CELSR1: variants seen among roughly 807,000 people sequenced by gnomAD.
CELSR1 encodes cadherin EGF LAG seven-pass G-type receptor 1.
CELSR1 carries 110 observed loss-of-function variants against 249.1 expected under a neutral mutation model. The observed-to-expected ratio is 0.44, with a 90% CI of 0.38 to 0.52. The LOEUF is 0.52. CELSR1 is among the 20% of genes least tolerant of loss of function. CELSR1 has a pLI of 0.00. For synonymous variants in CELSR1, 2,113 were observed against 1,900.0 expected, an observed-to-expected ratio of 1.11 and a Z score of -2.92; for missense variants, 4,109 against 4,296.4, an observed-to-expected ratio of 0.96 and a Z score of 1.22.
chr22:46,408,858 T>G lies in CELSR1; in HGVS notation c.5226+138A>C. Reference sequence around the variant, plus strand: ...AGGGCTGATATTCCCCTTCCCCCTCTTCGGAGAACCCCAGGGGCGGGCGCC... The same window carrying G: ...AGGGCTGATATTCCCCTTCCCCCTCGTCGGAGAACCCCAGGGGCGGGCGCC... On this transcript the variant is annotated intron_variant, in intron 9 of 34. Coordinates refer to ENST00000674500, the MANE Select transcript of CELSR1 (RefSeq NM_001378328.1). This position sits in a 1 kb window ranked among gnomAD's most constrained non-coding sequence, Gnocchi z 4.6. The G allele has an allele frequency of 1.5e-6, 1 of 668,742 alleles. No individual in the cohort carries two copies. The highest frequency in any genetic ancestry group is 3.1e-5 in the Admixed American group (1 of 31,818). 41.4% of individuals were successfully genotyped at this position (668,742 alleles called of 1,614,324 possible). A position where few individuals can be genotyped will look rare whatever the true frequency, so the allele number is the denominator to read the frequency against.
chr22:46,403,417 C>T (rs144326794), intron 9 of CELSR1, among the ~76,000 whole-genome samples: 1,644 of 150,120 alleles, frequency 0.011, 33 homozygotes, highest in African/African-American at 0.037. Context: ...AATAGCCAGG[C>T]GTGGTAGTGG....
rs1463438850 is a variant in CELSR1, at chr22:46,447,026, A to T, written c.4184-7615T>A. Among the ~76,000 whole-genome samples the T allele has an allele frequency of 1.3e-5, 2 of 152,000 alleles. No homozygotes were observed. The highest frequency in any genetic ancestry group is 1.5e-5 in the Non-Finnish European group (1 of 67,982). On this transcript the variant is annotated intron_variant, in intron 2 of 34. Transcript: ENST00000674500. This position sits in a 1 kb window ranked among gnomAD's most constrained non-coding sequence, Gnocchi z 4.7. The stretch of plus-strand genomic sequence containing the variant: ...GTTAAGCAAAGCGGGAGTGGATTAC[A>T]GTACTGTTTATAGGGAGCTGGAGGG...
intron 1 of CELSR1, among the ~76,000 whole-genome samples, chr22:46,487,058 ACTCCCAC>A (rs1333998938): frequency 2.3e-5 from 2 of 85,452 alleles, no homozygotes; most frequent in Non-Finnish European, 4.8e-5. Context: ...TCCCACTCCC[ACTCCCAC>A]TTCCACACAC....
chr22:46,367,333 G>A (rs908944813), intron 28 of CELSR1, among the ~76,000 whole-genome samples: 17 of 152,224 alleles, frequency 1.1e-4, no homozygotes, highest in African/African-American at 3.4e-4. Flanking sequence ...CCAGACCCCC[G>A]GTGTGCTGGA....
intron 13 of CELSR1, among the ~76,000 whole-genome samples, chr22:46,394,576 C>T (rs868126342): frequency 2.6e-5 from 4 of 152,232 alleles, no homozygotes; most frequent in Non-Finnish European, 4.4e-5. Flanking sequence ...TGGCCTTTCA[C>T]GATGCAGCCC....
In CELSR1 at chr22:46,409,647, G is replaced by A; in HGVS notation, c.5059+108C>T. 7.4e-7 allele frequency: 1 copy of A among 1,352,344 alleles called. No homozygotes were observed. Among genetic ancestry groups the A allele is most frequent in the Non-Finnish European group, 1.0e-6 (1 of 967,364 alleles). 83.8% of individuals were successfully genotyped at this position (1,352,344 alleles called of 1,614,324 possible). ...GTAAATGCAGCATATACCACCAGAG[G>A]CTGCCGGACCTGGATGTGAAGCCCC... On this transcript the variant is annotated intron_variant, in intron 8 of 34. Coordinates refer to ENST00000674500, the MANE Select transcript of CELSR1 (RefSeq NM_001378328.1). The surrounding 1 kb of genome is among the most constrained non-coding windows in gnomAD (Gnocchi z 9.8).
chr22:46,453,185 C>T (rs2079906451), intron 2 of CELSR1, among the ~76,000 whole-genome samples: 1 of 152,192 alleles, frequency 6.6e-6, no homozygotes, highest in Non-Finnish European at 1.5e-5. Context: ...GTGAGCCAGG[C>T]AGCTGTGCAC....
At chr22:46,386,372 G>A (rs772315433) in intron 19 of CELSR1, 30 bp downstream of exon 19, 3 of 1,510,336 alleles carry the variant, frequency 2.0e-6, no homozygotes, top group Non-Finnish European at 1.8e-6. Context: ...TGGTAGCAGG[G>A]TTCCACCCCC....
At chr22:46,443,099 T>A (rs1381830265) in intron 2 of CELSR1, among the ~76,000 whole-genome samples, 4 of 145,630 alleles carry the variant, frequency 2.7e-5, no homozygotes, top group Admixed American at 6.7e-5. Context: ...CTCCGTCTCT[T>A]AAGAAAAAAA....
chr22:46,490,932 C>T lies in CELSR1; in HGVS notation c.3545-26587G>A, dbSNP rs561658765. ...GGATCAGGAGGTCCAGTGACTTGCC[C>T]AAGGCCACCTGAGGGCTGCCTCTGC... On this transcript the variant is annotated intron_variant, in intron 1 of 34. Transcript: ENST00000674500. The surrounding 1 kb of genome is among the most constrained non-coding windows in gnomAD (Gnocchi z 5.2). Among the ~76,000 whole-genome samples, 3 of 152,248 alleles carry T rather than the reference C, an allele frequency of 2.0e-5. No individual in the cohort carries two copies. The highest frequency in any genetic ancestry group is 3.9e-4 in the East Asian group (2 of 5,174).
chr22:46,380,876 G>A lies in CELSR1; in HGVS notation c.7168C>T (p.Leu2390=), dbSNP rs747503159. 6.2e-7 allele frequency: 1 copy of A among 1,613,182 alleles called. No homozygotes were observed. The highest frequency in any genetic ancestry group is 2.2e-5 in the East Asian group (1 of 44,888). Residue 2390 remains leucine, a synonymous_variant, in exon 22 of 35, where the codon CTG becomes TTG. Transcript: ENST00000674500. The surrounding 1 kb of genome is among the most constrained non-coding windows in gnomAD (Gnocchi z 5.1). ...AACTCCACCAGGACGGGCCTCTCCA[G>A]GGGTCTCGGGAGCGGAGCCCCCTCG... ...YSEGAPLPRP[L]ERPVLVEFAL...
At chr22:46,425,051 C>T (rs1367793419) in intron 5 of CELSR1, among the ~76,000 whole-genome samples, 2 of 152,232 alleles carry the variant, frequency 1.3e-5, no homozygotes, top group South Asian at 2.1e-4. Flanking sequence ...CCTTTTCCCA[C>T]TCAGCAGAGT....
intron 1 of CELSR1, among the ~76,000 whole-genome samples, chr22:46,507,595 G>A (rs556105849): frequency 6.6e-6 from 1 of 152,246 alleles, no homozygotes; most frequent in South Asian, 2.1e-4. Flanking sequence ...ACCAGGCCAC[G>A]TGCACCCCTC....
Position 46,364,097 on chromosome 22 carries a change from G to A in CELSR1, c.8934C>T (p.Ile2978=). 6.2e-7 allele frequency: 1 copy of A among 1,612,362 alleles called. No homozygotes were observed. Among genetic ancestry groups the A allele is most frequent in the Non-Finnish European group, 8.5e-7 (1 of 1,179,680 alleles). ...SLGSGGPDCA[I]TVKSPGREPG... ...GCTCCCTCCCAGGGCTCTTGACTGT[G>A]ATGGCGCAGTCGGGGCCGCCAGAGC... Residue 2978 remains isoleucine, a synonymous_variant, in exon 34 of 35, where the codon ATC becomes ATT. Coordinates refer to ENST00000674500, the MANE Select transcript of CELSR1 (RefSeq NM_001378328.1).
intron 19 of CELSR1, 131 bp from the exon 20 acceptor site, chr22:46,384,817 T>A: frequency 2.1e-6 from 2 of 948,650 alleles, no homozygotes; most frequent in Non-Finnish European, 3.0e-6. Context: ...TGAGGTGGAG[T>A]CTCGCAGTGT....
At chr22:46,511,631 G>C (rs1333199463) in intron 1 of CELSR1, among the ~76,000 whole-genome samples, 1 of 152,210 alleles carries the variant, frequency 6.6e-6, no homozygotes, top group African/African-American at 2.4e-5. Flanking sequence ...GCAGTCAGTG[G>C]GGCTGACAGC....
chr22:46,444,546 A>T (rs1037427979), intron 2 of CELSR1, among the ~76,000 whole-genome samples: 1 of 152,202 alleles, frequency 6.6e-6, no homozygotes, highest in African/African-American at 2.4e-5. Context: ...GTGGCAAATA[A>T]AACTAATCTC....
At chr22:46,421,756 G>A (rs185458114) in intron 5 of CELSR1, among the ~76,000 whole-genome samples, 2 of 152,366 alleles carry the variant, frequency 1.3e-5, no homozygotes, top group East Asian at 1.9e-4. Flanking sequence ...AGTGGCCGCC[G>A]ACTTCACCAA....
intron 1 of CELSR1, among the ~76,000 whole-genome samples, chr22:46,507,530 A>G (rs2080526971): frequency 6.6e-6 from 1 of 151,970 alleles, no homozygotes; most frequent in Non-Finnish European, 1.5e-5. Context: ...GGTGTGCCCC[A>G]GGCCCCAACA....
Sources: gnomAD v4.1 joint callset for allele counts (sites outside exome capture counted in the v4.1 genomes callset) on GRCh38, gnomAD v4.1.1 for gene constraint, Gnocchi (gnomAD v3.1) non-coding constraint, MANE v1.5 for transcripts, NCBI Gene and HGNC (gene_info 2026-07-23, HGNC 2026-07-21) for gene names.